CADPS2: variants seen among roughly 807,000 people sequenced by gnomAD.
The protein encoded by CADPS2 is calcium dependent secretion activator 2, also known as calcium-dependent secretion activator 2.
CADPS2 carries 93 observed loss-of-function variants against 172.5 expected under a neutral mutation model. That is an observed-to-expected ratio of 0.54 (90% CI 0.46 to 0.64). The LOEUF is 0.64. CADPS2 is among the 30% of genes least tolerant of loss of function. The pLI is 0.00. For missense variants in CADPS2, 1,420 were observed against 1,565.9 expected, an observed-to-expected ratio of 0.91 and a Z score of 1.57; for synonymous variants, 546 against 555.2, an observed-to-expected ratio of 0.98 and a Z score of 0.23.
intron 24 of CADPS2, among the ~76,000 whole-genome samples, chr7:122,385,488 C>T (rs2043519493): frequency 6.6e-6 from 1 of 151,934 alleles, no homozygotes; most frequent in African/African-American, 2.4e-5. Context: ...GGAAGAGTCA[C>T]CCTGAGTTTG....
chr7:122,647,094 A>C (rs539252138), intron 3 of CADPS2, among the ~76,000 whole-genome samples: 2 of 152,252 alleles, frequency 1.3e-5, no homozygotes, highest in Admixed American at 1.3e-4. Context: ...CATATCCATC[A>C]GTTTACCATG....
At position 122,686,250 on chromosome 7, in the gene CADPS2, C is replaced by T. The variant is rs906403203; in HGVS notation, c.454-22681G>A. Among the ~76,000 whole-genome samples, 12 of 152,142 alleles carry T rather than the reference C, an allele frequency of 7.9e-5. No individual in the cohort carries two copies. The East Asian group carries it at 1.5e-3, about 20-fold the overall frequency. ...CCCTTGACAGTTGTGATAGTGGTAG[C>T]GGATAGAGAAACCAGTACTGGGAGA... On this transcript the variant is annotated intron_variant, in intron 2 of 29. Coordinates refer to ENST00000449022, the MANE Select transcript of CADPS2 (RefSeq NM_017954.11).
intron 9 of CADPS2, among the ~76,000 whole-genome samples, chr7:122,506,539 G>A (rs968454245): frequency 6.6e-6 from 1 of 152,146 alleles, no homozygotes; most frequent in African/African-American, 2.4e-5. Flanking sequence ...GTCCACACAT[G>A]TTAAGTGCTA....
intron 3 of CADPS2, among the ~76,000 whole-genome samples, chr7:122,646,631 G>A (rs2078589963): frequency 6.6e-6 from 1 of 152,114 alleles, no homozygotes; most frequent in Non-Finnish European, 1.5e-5. Flanking sequence ...AGACTATAAA[G>A]AATCGTTACA....
chr7:122,559,754 G>A (rs2065487448), intron 7 of CADPS2, among the ~76,000 whole-genome samples: 2 of 140,922 alleles, frequency 1.4e-5, no homozygotes, highest in Admixed American at 7.3e-5. Flanking sequence ...CTGGGTGACA[G>A]TGCGAGACTC....
chr7:122,367,081 G>T (rs17365759), intron 25 of CADPS2, among the ~76,000 whole-genome samples: 1 of 151,960 alleles, frequency 6.6e-6, no homozygotes, highest in Admixed American at 6.6e-5. Flanking sequence ...TTCCTTTTGG[G>T]CACATACTTG....
chr7:122,392,797 T>G lies in CADPS2; in HGVS notation c.3008+399A>C, dbSNP rs57800342. Reference sequence around the variant, plus strand: ...ATTCTTGAAACCATTCTTCCAAAGGTTTTCTACTTGCACAAGATAAGTCAT... The same window carrying G: ...ATTCTTGAAACCATTCTTCCAAAGGGTTTCTACTTGCACAAGATAAGTCAT... On this transcript the variant is annotated intron_variant, in intron 22 of 29. Transcript: ENST00000449022. Among the ~76,000 whole-genome samples, 128 of 152,104 alleles carry G rather than the reference T, an allele frequency of 8.4e-4. 2 individuals carry two copies. The East Asian group carries it at 0.012, about 14-fold the overall frequency.
intron 1 of CADPS2, among the ~76,000 whole-genome samples, chr7:122,832,418 G>T (rs990625): frequency 6.6e-6 from 1 of 151,996 alleles, no homozygotes; most frequent in Non-Finnish European, 1.5e-5. Context: ...TATCAACTGT[G>T]CAAGAAAAAT....
At position 122,685,404 on chromosome 7, in the gene CADPS2, C is replaced by T. The variant is rs117245957; in HGVS notation, c.454-21835G>A. ...ATTCTTCCCAAGCCCATTCTTCAAG[C>T]GTTTGATGGCAGCTAACACTGTCTT... is the stretch of plus-strand genomic sequence containing the variant. On this transcript the variant is annotated intron_variant, in intron 2 of 29. Coordinates refer to ENST00000449022, the MANE Select transcript of CADPS2 (RefSeq NM_017954.11). Among the ~76,000 whole-genome samples the T allele has an allele frequency of 1.0e-3, 153 of 152,306 alleles. 2 individuals are homozygous for T. In the East Asian group the frequency reaches 0.026, roughly 26 times the overall value.
chr7:122,757,025 A>G (rs990175847), intron 1 of CADPS2, among the ~76,000 whole-genome samples: 1 of 152,202 alleles, frequency 6.6e-6, no homozygotes, highest in Admixed American at 6.5e-5. Flanking sequence ...TTTGACAATG[A>G]TAAGTGTGAG....
intron 7 of CADPS2, among the ~76,000 whole-genome samples, chr7:122,575,033 G>T (rs143891926): frequency 3.0e-4 from 46 of 152,168 alleles, no homozygotes; most frequent in African/African-American, 1.1e-3. Flanking sequence ...CATTATGTAG[G>T]TGGATGCTTG....
intron 9 of CADPS2, among the ~76,000 whole-genome samples, chr7:122,501,745 C>T (rs201199241): frequency 1.3e-5 from 2 of 151,412 alleles, no homozygotes; most frequent in African/African-American, 2.4e-5. Context: ...CGTGGTGGCA[C>T]ACGCCTGTAG....
intron 6 of CADPS2, among the ~76,000 whole-genome samples, chr7:122,594,630 C>A (rs892502036): frequency 2.6e-5 from 4 of 151,916 alleles, no homozygotes; most frequent in Non-Finnish European, 5.9e-5. Flanking sequence ...GTCTAGCAAG[C>A]CTGTTAGCAC....
intron 9 of CADPS2, among the ~76,000 whole-genome samples, chr7:122,498,023 T>G (rs2130218414): frequency 6.6e-6 from 1 of 152,266 alleles, no homozygotes; most frequent in African/African-American, 2.4e-5. Context: ...TGGCACGAAC[T>G]CGGCTCACTG....
At chr7:122,336,291 G>A (rs978965475) in intron 28 of CADPS2, among the ~76,000 whole-genome samples, 1 of 152,166 alleles carries the variant, frequency 6.6e-6, no homozygotes, top group Non-Finnish European at 1.5e-5. Flanking sequence ...CAGAGGGGGA[G>A]TACAAAAGGC....
chr7:122,477,079 AGAGG>A lies in CADPS2; in HGVS notation c.1862-2566_1862-2563del, dbSNP rs1255056678. ...GAGAGAGAGAGAGAGAGAGAGAGAG[AGAGG>A]GAGAGAGAGAGGTAGGTAGATAGGC... On this transcript the variant is annotated intron_variant, in intron 12 of 29. Transcript: ENST00000449022. 1.7e-4 allele frequency among the ~76,000 whole-genome samples: 24 copies of A among 138,872 alleles called. 1 individual carries two copies. Among genetic ancestry groups the A allele is most frequent in the Admixed American group, 1.4e-3 (20 of 13,980 alleles). 91.1% of individuals were successfully genotyped at this position (138,872 alleles called of 152,430 possible). A position where few individuals can be genotyped will look rare whatever the true frequency, so the allele number is the denominator to read the frequency against.
chr7:122,473,487 A>C (rs2056239838), intron 13 of CADPS2, among the ~76,000 whole-genome samples: 1 of 152,196 alleles, frequency 6.6e-6, no homozygotes, highest in Admixed American at 6.5e-5. Context: ...AAGGATGCTC[A>C]CCTTGTACAT....
At chr7:122,433,125 T>A (rs1284593120) in intron 17 of CADPS2, among the ~76,000 whole-genome samples, 1 of 151,418 alleles carries the variant, frequency 6.6e-6, no homozygotes, top group Non-Finnish European at 1.5e-5. Context: ...AGGTATGCGC[T>A]ACTATACTTG....
chr7:122,575,055 T>TAC (rs1398679568), intron 7 of CADPS2, among the ~76,000 whole-genome samples: 1 of 152,132 alleles, frequency 6.6e-6, no homozygotes, highest in African/African-American at 2.4e-5. Context: ...CAAAGATGTT[T>TAC]ACCTAAAACC....
Sources: allele counts gnomAD v4.1 joint callset (sites outside exome capture counted in the v4.1 genomes callset), GRCh38; gene constraint gnomAD v4.1.1; transcripts MANE v1.5; gene names NCBI Gene and HGNC (gene_info 2026-07-23, HGNC 2026-07-21).